Variants in CNTNAP2 observed in about 807,000 individuals in gnomAD.
CNTNAP2 encodes the protein contactin-associated protein-like 2.
Under a neutral mutation model 155.2 loss-of-function variants are expected in CNTNAP2, and 98 were observed. The ratio of observed to expected loss-of-function variants is 0.63; its 90% confidence interval spans 0.54 to 0.75. The LOEUF is 0.75. Ranked by LOEUF, CNTNAP2 falls within the 30% of genes least tolerant of loss-of-function variation. CNTNAP2 has a pLI of 0.00. For synonymous variants in CNTNAP2, 651 were observed against 631.2 expected (o/e 1.03, Z -0.47); for missense variants, 1,727 against 1,688.1 (o/e 1.02, Z -0.40).
intron 1 of CNTNAP2, among the ~76,000 whole-genome samples, chr7:146,372,032 G>A (rs1333653579): frequency 6.6e-6 from 1 of 151,798 alleles, no homozygotes; most frequent in Non-Finnish European, 1.5e-5. Flanking sequence ...AGGAGTCAGA[G>A]AGAAATAAAG....
At chr7:146,390,195 C>T (rs1056084525) in intron 1 of CNTNAP2, among the ~76,000 whole-genome samples, 15 of 151,888 alleles carry the variant, frequency 9.9e-5, no homozygotes, top group African/African-American at 2.7e-4. Flanking sequence ...TTTTGCTCTT[C>T]GTAAATATGT....
chr7:146,697,340 C>T (rs1348049482), intron 1 of CNTNAP2, among the ~76,000 whole-genome samples: 1 of 151,902 alleles, frequency 6.6e-6, no homozygotes, highest in Non-Finnish European at 1.5e-5. Flanking sequence ...TGGGCTCAAA[C>T]AATTCTCCCT....
intron 2 of CNTNAP2, among the ~76,000 whole-genome samples, chr7:146,836,570 C>T (rs1442534892): frequency 1.3e-5 from 2 of 152,120 alleles, no homozygotes; most frequent in African/African-American, 4.8e-5. Flanking sequence ...ATCCTTTGTA[C>T]TATTGTAGTT....
At chr7:146,976,414 C>A (rs188699778) in intron 3 of CNTNAP2, among the ~76,000 whole-genome samples, 4 of 152,256 alleles carry the variant, frequency 2.6e-5, no homozygotes, top group Non-Finnish European at 4.4e-5. Context: ...GCCCCAGGCT[C>A]TTTTACCTGT....
At chr7:146,816,281 T>C (rs1456995133) in intron 2 of CNTNAP2, among the ~76,000 whole-genome samples, 4 of 152,060 alleles carry the variant, frequency 2.6e-5, no homozygotes, top group Admixed American at 6.6e-5. Flanking sequence ...AGATGCATCA[T>C]TATGAGGATA....
At chr7:146,224,424 AG>A (rs1487050159) in intron 1 of CNTNAP2, among the ~76,000 whole-genome samples, 1 of 108,574 alleles carries the variant, frequency 9.2e-6, no homozygotes, top group African/African-American at 3.3e-5. Context: ...CAAGGAACAC[AG>A]TGGTTTAAAA....
chr7:148,311,398 T>C (rs1043299470), intron 21 of CNTNAP2, among the ~76,000 whole-genome samples: 1 of 144,374 alleles, frequency 6.9e-6, no homozygotes, highest in African/African-American at 2.9e-5. Flanking sequence ...ATGAGTAAGG[T>C]TGATAGCGTG....
At chr7:147,114,361 T>C (rs1016621533) in intron 5 of CNTNAP2, among the ~76,000 whole-genome samples, 3 of 152,192 alleles carry the variant, frequency 2.0e-5, no homozygotes, top group African/African-American at 7.2e-5. Context: ...GTCCTGGATG[T>C]CTTTGTTAAT....
intron 21 of CNTNAP2, among the ~76,000 whole-genome samples, chr7:148,368,384 C>T (rs1451207923): frequency 6.6e-6 from 1 of 152,172 alleles, no homozygotes; most frequent in East Asian, 1.9e-4. Flanking sequence ...CCAGCTGAGG[C>T]CTCCCCTGGT....
intron 1 of CNTNAP2, among the ~76,000 whole-genome samples, chr7:146,307,956 CA>C (rs1204154699): frequency 2.6e-5 from 4 of 152,106 alleles, no homozygotes; most frequent in Non-Finnish European, 5.9e-5. Flanking sequence ...GAAATGACAA[CA>C]AAAGTCAACA....
intron 1 of CNTNAP2, among the ~76,000 whole-genome samples, chr7:146,705,884 T>C (rs1337902818): frequency 1.3e-5 from 2 of 152,152 alleles, no homozygotes; most frequent in African/African-American, 4.8e-5. Context: ...CCAAGCTATA[T>C]CATATGGTAT....
At chr7:148,160,091 T>C (rs1165543217) in intron 17 of CNTNAP2, among the ~76,000 whole-genome samples, 1 of 152,076 alleles carries the variant, frequency 6.6e-6, no homozygotes, top group Admixed American at 6.6e-5. Flanking sequence ...AATACAAAAA[T>C]TGGCTGGATG....
chr7:146,339,516 A>T (rs1241763499), intron 1 of CNTNAP2, among the ~76,000 whole-genome samples: 1 of 152,196 alleles, frequency 6.6e-6, no homozygotes, highest in Non-Finnish European at 1.5e-5. Context: ...TAATAGTTAC[A>T]TGAATGTTGA....
At chr7:146,697,230 A>AATTT (rs1326619676) in intron 1 of CNTNAP2, among the ~76,000 whole-genome samples, 2 of 148,428 alleles carry the variant, frequency 1.3e-5, no homozygotes, top group East Asian at 1.9e-4. Flanking sequence ...TACCTTTTTA[A>AATTT]ATTTATTTAT....
At chr7:146,703,305 A>C (rs908935257) in intron 1 of CNTNAP2, among the ~76,000 whole-genome samples, 2 of 152,138 alleles carry the variant, frequency 1.3e-5, no homozygotes, top group East Asian at 3.9e-4. Context: ...GGGTTGGTCA[A>C]GTGTATGTCT....
At chr7:147,167,416 G>C in intron 8 of CNTNAP2, 2 of 1,332,206 alleles carry the variant, frequency 1.5e-6, no homozygotes, top group South Asian at 1.3e-5. Context: ...CCCTTCCTCT[G>C]GCTTGCTAGG....
intron 9 of CNTNAP2, among the ~76,000 whole-genome samples, chr7:147,338,382 A>G (rs1422825236): frequency 6.6e-6 from 1 of 152,182 alleles, no homozygotes; most frequent in Non-Finnish European, 1.5e-5. Context: ...AAATAAAATT[A>G]CAGTGATTGT....
chr7:148,357,112 C>T (rs1798531899), intron 21 of CNTNAP2, among the ~76,000 whole-genome samples: 2 of 152,072 alleles, frequency 1.3e-5, no homozygotes, highest in Admixed American at 6.5e-5. Context: ...ATTGTAGCTC[C>T]CATAATTCCC....
intron 3 of CNTNAP2, among the ~76,000 whole-genome samples, chr7:146,985,308 A>ATTTTTTTTTTTTTTTTT (rs71165057): frequency 3.1e-5 from 4 of 127,852 alleles, no homozygotes; most frequent in African/African-American, 1.2e-4. Flanking sequence ...AAATGCTTGA[A>ATTTTTTTTTTTTTTTTT]TTTTTTTTTT....
Sources: allele counts gnomAD v4.1 joint callset (sites outside exome capture counted in the v4.1 genomes callset), GRCh38; gene constraint gnomAD v4.1.1; transcripts MANE v1.5; gene names NCBI Gene and HGNC (gene_info 2026-07-23, HGNC 2026-07-21).